FRMD4B: variants seen among roughly 807,000 people sequenced by gnomAD.
FRMD4B encodes FERM domain containing 4B, also known as FERM domain-containing protein 4B.
FRMD4B carries 74 observed loss-of-function variants against 141.5 expected under a neutral mutation model. The observed-to-expected ratio is 0.52, with a 90% CI of 0.43 to 0.63. The LOEUF (loss-of-function observed/expected upper bound fraction) is 0.63, where lower values mean the gene tolerates loss of function less well. FRMD4B is among the 30% of genes least tolerant of loss of function. The pLI is 0.00. For synonymous variants in FRMD4B, 506 were observed against 467.9 expected, an observed-to-expected ratio of 1.08 and a Z score of -1.05; for missense variants, 1,366 against 1,253.4, an observed-to-expected ratio of 1.09 and a Z score of -1.36.
chr3:69,439,673 G>A (rs530139901), intron 1 of FRMD4B, among the ~76,000 whole-genome samples: 17 of 152,312 alleles, frequency 1.1e-4, no homozygotes, highest in South Asian at 2.1e-4. Context: ...ACTAGGGAAT[G>A]ACAACTTGCT....
intron 19 of FRMD4B, among the ~76,000 whole-genome samples, chr3:69,187,546 AAAAAAAAT>A (rs2092781902): frequency 7.2e-6 from 1 of 138,436 alleles, no homozygotes; most frequent in Admixed American, 7.2e-5. Flanking sequence ...ACCTCAAAAA[AAAAAAAAT>A]ATATATATAT....
chr3:69,399,296 G>A (rs547491379), intron 2 of FRMD4B, among the ~76,000 whole-genome samples: 3 of 152,290 alleles, frequency 2.0e-5, no homozygotes, highest in South Asian at 4.1e-4. Flanking sequence ...GTTTTAATCC[G>A]CTGAGAAATC....
chr3:69,516,007 T>C (rs550504785), intron 1 of FRMD4B, among the ~76,000 whole-genome samples: 8 of 152,084 alleles, frequency 5.3e-5, no homozygotes, highest in Non-Finnish European at 8.8e-5. Flanking sequence ...AGGAGGAACA[T>C]TGGGGCTAGG....
At chr3:69,257,688 G>C (rs1233039469) in intron 5 of FRMD4B, among the ~76,000 whole-genome samples, 1 of 151,556 alleles carries the variant, frequency 6.6e-6, no homozygotes, top group African/African-American at 2.4e-5. Context: ...TTGAGACAGA[G>C]TCTCTCTCTG....
At position 69,536,758 on chromosome 3, in the gene FRMD4B, A is replaced by AT. The variant is rs1000703339; in HGVS notation, c.-129+5447dup. On this transcript the variant is annotated intron_variant, in intron 1 of 5. Coordinates refer to the FRMD4B transcript ENST00000459638. ...CTCAGTTTAATTTTTTTAATTTTTT[A>AT]TTTTTTGAGACAGAGTCTTGCTCTG... 5.7e-6 allele frequency: 3 copies of AT among 523,574 alleles called. No homozygotes were observed. The African/African-American group carries it at 5.9e-5, about 10-fold the overall frequency. The allele number at this position is 523,574 out of a possible 1,614,324, so 32.4% of individuals were successfully genotyped here.
At chr3:69,397,778 T>C (rs1704497092) in intron 2 of FRMD4B, among the ~76,000 whole-genome samples, 1 of 152,188 alleles carries the variant, frequency 6.6e-6, no homozygotes, top group South Asian at 2.1e-4. Context: ...ATGAAAATGT[T>C]CTAAAATTAG....
chr3:69,357,714 A>C (rs922327914), intron 1 of FRMD4B, among the ~76,000 whole-genome samples: 10 of 152,202 alleles, frequency 6.6e-5, no homozygotes, highest in African/African-American at 2.4e-4. Context: ...CGCACCATAA[A>C]ATCACAACAG....
chr3:69,496,381 C>G (rs1453658863), intron 1 of FRMD4B, among the ~76,000 whole-genome samples: 2 of 152,066 alleles, frequency 1.3e-5, no homozygotes, highest in Non-Finnish European at 2.9e-5. Flanking sequence ...ACTGGCCAAT[C>G]AAAACACTGA....
chr3:69,280,430 T>G lies in FRMD4B; in HGVS notation c.501+7322A>C, dbSNP rs1308321062. On this transcript the variant is annotated intron_variant, in intron 5 of 22. Coordinates refer to ENST00000398540, the MANE Select transcript of FRMD4B (RefSeq NM_015123.3). ...TCCAGCATGAGTGCTAGTGCACTCC[T>G]GAAATATCCCTCTAGAAGTGTTGCT... Among the ~76,000 whole-genome samples the G allele has an allele frequency of 2.6e-5, 4 of 152,140 alleles. No homozygotes were observed. In the East Asian group the frequency reaches 7.7e-4, roughly 29 times the overall value.
chr3:69,308,757 A>C (rs926142646), intron 3 of FRMD4B, among the ~76,000 whole-genome samples: 2 of 151,878 alleles, frequency 1.3e-5, no homozygotes, highest in Non-Finnish European at 2.9e-5. Context: ...TTTTCTCGCA[A>C]AAAACAAATC....
chr3:69,348,279 C>T (rs1479873700), intron 1 of FRMD4B, among the ~76,000 whole-genome samples: 5 of 152,070 alleles, frequency 3.3e-5, no homozygotes, highest in Non-Finnish European at 5.9e-5. Context: ...CAAGAATAAA[C>T]CTGGAAGAAG....
chr3:69,218,267 T>C, intron 10 of FRMD4B, 55 bp downstream of exon 10: 1 of 824,484 alleles, frequency 1.2e-6, no homozygotes, highest in Non-Finnish European at 2.0e-6. Flanking sequence ...AAAAAGCTGG[T>C]ATTGTGCAAT....
At chr3:69,320,133 C>G (rs897188747) in intron 1 of FRMD4B, among the ~76,000 whole-genome samples, 1 of 152,086 alleles carries the variant, frequency 6.6e-6, no homozygotes, top group Non-Finnish European at 1.5e-5. Flanking sequence ...GACTCTGACT[C>G]CCAGGCTACA....
chr3:69,345,413 GGGCA>G (rs1702901977), intron 1 of FRMD4B, among the ~76,000 whole-genome samples: 1 of 152,230 alleles, frequency 6.6e-6, no homozygotes, highest in Non-Finnish European at 1.5e-5. Flanking sequence ...TCTGGGGGCA[GGGCA>G]TAGCCAAACA....
chr3:69,337,873 T>C (rs977621250), intron 1 of FRMD4B, among the ~76,000 whole-genome samples: 5 of 152,190 alleles, frequency 3.3e-5, no homozygotes, highest in African/African-American at 1.2e-4. Flanking sequence ...CGTAAACTAG[T>C]TCAACCATTG....
chr3:69,170,480 T>C lies in FRMD4B; in HGVS notation c.*1381A>G, dbSNP rs1182632865. The C allele has an allele frequency of 2.6e-5, 4 of 152,178 alleles. No homozygotes were observed. Among genetic ancestry groups the C allele is most frequent in the African/African-American group, 9.6e-5 (4 of 41,456 alleles). The allele number at this position is 152,178 out of a possible 1,614,324, so 9.4% of individuals were successfully genotyped here. On this transcript the variant is annotated 3_prime_UTR_variant, in exon 23 of 23. Transcript: ENST00000398540. ...ATTATACAAATGACTAAGGACCAGT[T>C]TAACAAATCGTTTTTATGTATATAT...
At chr3:69,494,648 T>C (rs1292271905) in intron 1 of FRMD4B, among the ~76,000 whole-genome samples, 3 of 152,102 alleles carry the variant, frequency 2.0e-5, no homozygotes, top group Non-Finnish European at 4.4e-5. Flanking sequence ...TCCCAGCACT[T>C]TGGGAGGCCA....
At chr3:69,334,951 A>G (rs1200230232) in intron 1 of FRMD4B, among the ~76,000 whole-genome samples, 1 of 152,172 alleles carries the variant, frequency 6.6e-6, no homozygotes, top group East Asian at 1.9e-4. Flanking sequence ...GTACCATGAA[A>G]ATGAGAATAC....
At chr3:69,436,137 A>T (rs1237028323) in intron 1 of FRMD4B, among the ~76,000 whole-genome samples, 1 of 152,176 alleles carries the variant, frequency 6.6e-6, no homozygotes, top group Non-Finnish European at 1.5e-5. Context: ...TTCCTTTCTC[A>T]GCTTACTTCA....
Sources: gnomAD v4.1 joint callset for allele counts (sites outside exome capture counted in the v4.1 genomes callset) on GRCh38, gnomAD v4.1.1 for gene constraint, MANE v1.5 for transcripts, NCBI Gene and HGNC (gene_info 2026-07-23, HGNC 2026-07-21) for gene names.